The following GREB1 variants were observed in gnomAD, a reference collection of about 807,000 sequenced individuals.
GREB1 encodes the protein growth regulating estrogen receptor binding 1.
GREB1 carries 106 observed loss-of-function variants against 200.7 expected under a neutral mutation model. That is an observed-to-expected ratio of 0.53 (90% CI 0.45 to 0.62). GREB1 has a LOEUF of 0.62. Among genes scored for constraint, GREB1 ranks in the 20% least tolerant of loss-of-function variants. The probability of loss-of-function intolerance (pLI) is 0.00; values close to 1 mark genes in which losing one functional copy is unlikely to be tolerated. For missense variants in GREB1, 2,243 were observed against 2,556.8 expected, an observed-to-expected ratio of 0.88 and a Z score of 2.65; for synonymous variants, 1,132 against 1,092.4, an observed-to-expected ratio of 1.04 and a Z score of -0.72.
intron 9 of GREB1, among the ~76,000 whole-genome samples, chr2:11,586,144 G>A (rs1003164323): frequency 2.6e-5 from 4 of 152,220 alleles, no homozygotes; most frequent in East Asian, 1.9e-4. Context: ...CAGGTGAAAT[G>A]ATTCCCTGCC....
chr2:11,591,323 C>G (rs1013768245), intron 10 of GREB1: 1 of 721,624 alleles, frequency 1.4e-6, no homozygotes, highest in Non-Finnish European at 2.6e-6. Context: ...AGCTCAGGGC[C>G]GCACAGCTGG....
At position 11,620,990 on chromosome 2, in the gene GREB1, A is replaced by C. The variant is rs761683499; in HGVS notation, c.4130A>C (p.Glu1377Ala). The change falls in exon 23 of 33, where the codon GAG becomes GCG. Residue 1377 changes from glutamate (E) to alanine (A), a missense_variant. Physicochemically the swap from Glu to Ala is moderately radical, Grantham distance 107. Around this residue, in one of 3 missense-constraint regions of GREB1, gnomAD observed 587 missense variants for 553.1 expected, o/e 1.06. Coordinates refer to ENST00000381486, the MANE Select transcript of GREB1 (RefSeq NM_014668.4). ...CTCACAGAAGTGGATGTCTATGACG[A>C]GGAGGAGATCAATATCAGTGAGTTA... ...VRLTEVDVYD[E>A]EEININLREE... The C allele has an allele frequency of 6.2e-7, 1 of 1,604,004 alleles. No individual in the cohort carries two copies. The highest frequency in any genetic ancestry group is 2.2e-5 in the East Asian group (1 of 44,840).
chr2:11,505,154 A>G (rs544040282), intron 1 of GREB1, among the ~76,000 whole-genome samples: 8 of 151,340 alleles, frequency 5.3e-5, no homozygotes, highest in African/African-American at 1.9e-4. Context: ...CTGGTCTTGA[A>G]CTCCTAACCT....
chr2:11,618,956 T>TG (rs756379638), intron 22 of GREB1, 37 bp downstream of exon 22: 149 of 1,445,850 alleles, frequency 1.0e-4, no homozygotes, highest in Middle Eastern at 9.2e-4. Context: ...AGCCCCGGAC[T>TG]GGGGGGGTCC....
chr2:11,540,334 T>G (rs1476362046), intron 1 of GREB1, among the ~76,000 whole-genome samples: 4 of 152,114 alleles, frequency 2.6e-5, no homozygotes, highest in Admixed American at 2.6e-4. Flanking sequence ...AGATAATTAG[T>G]TTGTGTTCTT....
At chr2:11,617,670 G>C (rs761478919) in intron 21 of GREB1, among the ~76,000 whole-genome samples, 1 of 152,200 alleles carries the variant, frequency 6.6e-6, no homozygotes, top group African/African-American at 2.4e-5. Context: ...GGGGCGAGAC[G>C]TGCAGGGCCT....
intron 1 of GREB1, among the ~76,000 whole-genome samples, chr2:11,528,995 A>G (rs796505331): frequency 1.1e-4 from 16 of 152,294 alleles, no homozygotes; most frequent in African/African-American, 3.8e-4. Flanking sequence ...CCTGGTTTAT[A>G]TATATTTTTT....
At chr2:11,502,306 G>A (rs1407583207) in intron 1 of GREB1, among the ~76,000 whole-genome samples, 2 of 147,352 alleles carry the variant, frequency 1.4e-5, no homozygotes, top group Admixed American at 6.8e-5. Context: ...CTGCAGCCTC[G>A]ACTTCCCTGG....
chr2:11,588,403 G>A (rs766618961), intron 9 of GREB1: 4 of 587,938 alleles, frequency 6.8e-6, no homozygotes, highest in Non-Finnish European at 1.0e-5. Flanking sequence ...CTGCCCACAA[G>A]GTGTCCCATT....
intron 4 of GREB1, among the ~76,000 whole-genome samples, chr2:11,572,884 C>G (rs904260038): frequency 6.6e-6 from 1 of 152,122 alleles, no homozygotes; most frequent in Non-Finnish European, 1.5e-5. Context: ...TTCTGTTTCT[C>G]CCTCTGCCTT....
chr2:11,484,106 T>C (rs1255783641), intron 1 of GREB1, among the ~76,000 whole-genome samples: 1 of 152,168 alleles, frequency 6.6e-6, no homozygotes, highest in Non-Finnish European at 1.5e-5. Flanking sequence ...TTGTAGCACT[T>C]TGTTATTGGG....
intron 10 of GREB1, among the ~76,000 whole-genome samples, chr2:11,589,715 G>C (rs895141785): frequency 1.3e-5 from 2 of 152,224 alleles, no homozygotes; most frequent in Non-Finnish European, 2.9e-5. Flanking sequence ...CCTATTAAAG[G>C]CACACAGTGG....
At chr2:11,512,913 C>G (rs1227833487) in intron 1 of GREB1, among the ~76,000 whole-genome samples, 1 of 152,168 alleles carries the variant, frequency 6.6e-6, no homozygotes, top group Non-Finnish European at 1.5e-5. Flanking sequence ...ATAATCAGGT[C>G]AAAATGACCT....
At chr2:11,520,750 A>T (rs577892325) in intron 1 of GREB1, among the ~76,000 whole-genome samples, 1 of 152,190 alleles carries the variant, frequency 6.6e-6, no homozygotes, top group African/African-American at 2.4e-5. Context: ...CAAGGTCTGG[A>T]ACCTGAATCA....
intron 1 of GREB1, among the ~76,000 whole-genome samples, chr2:11,538,625 C>G (rs1266194563): frequency 3.3e-4 from 6 of 17,992 alleles, no homozygotes; most frequent in Non-Finnish European, 6.1e-4. Context: ...TTCTTTCTTT[C>G]TTTCTTTCTT....
At chr2:11,514,883 C>T (rs1673442853) in intron 1 of GREB1, among the ~76,000 whole-genome samples, 1 of 152,242 alleles carries the variant, frequency 6.6e-6, no homozygotes, top group South Asian at 2.1e-4. Flanking sequence ...GTGCTTGGCA[C>T]AGAGTGGGCA....
intron 1 of GREB1, among the ~76,000 whole-genome samples, chr2:11,483,428 T>A (rs1672566509): frequency 1.3e-5 from 2 of 151,662 alleles, no homozygotes; most frequent in East Asian, 3.9e-4. Flanking sequence ...ACGGTGATAA[T>A]CGTATTGCAA....
intron 4 of GREB1, among the ~76,000 whole-genome samples, chr2:11,571,951 T>G (rs888410777): frequency 6.6e-6 from 1 of 152,206 alleles, no homozygotes; most frequent in African/African-American, 2.4e-5. Context: ...GACCTCCTGC[T>G]CCGCCTGCCT....
chr2:11,587,673 G>T, intron 9 of GREB1: 31 of 1,206,650 alleles, frequency 2.6e-5, no homozygotes, highest in East Asian at 1.9e-4. Flanking sequence ...GTGACTAAAT[G>T]GAGTACCTGG....
Sources: gnomAD v4.1 joint callset for allele counts (sites outside exome capture counted in the v4.1 genomes callset) on GRCh38, gnomAD v4.1.1 for gene constraint, gnomAD v4.1.1 regional missense constraint, MANE v1.5 for transcripts, NCBI Gene and HGNC (gene_info 2026-07-23, HGNC 2026-07-21) for gene names.